Variants in CACNA1E observed in about 807,000 individuals in gnomAD.
CACNA1E encodes the protein voltage-dependent R-type calcium channel subunit alpha-1E.
CACNA1E carries 40 observed loss-of-function variants against 259.2 expected under a neutral mutation model. The ratio of observed to expected loss-of-function variants is 0.15; its 90% CI spans 0.12 to 0.20. The LOEUF (loss-of-function observed/expected upper bound fraction) is 0.20. CACNA1E is among the 10% of genes least tolerant of loss of function. The pLI is 1.00. For missense variants in CACNA1E, 1,874 were observed against 3,040.1 expected, an observed-to-expected ratio of 0.62 and a Z score of 9.02; for synonymous variants, 1,104 against 1,138.5, an observed-to-expected ratio of 0.97 and a Z score of 0.61.
intron 1 of CACNA1E, among the ~76,000 whole-genome samples, chr1:181,326,806 C>T (rs771473583): frequency 3.3e-5 from 5 of 152,212 alleles, no homozygotes; most frequent in Non-Finnish European, 7.3e-5. Context: ...GTCCTCCTCT[C>T]ACATGGCCTC....
intron 3 of CACNA1E, among the ~76,000 whole-genome samples, chr1:181,512,929 AAAT>A (rs1666269820): frequency 6.6e-6 from 1 of 152,252 alleles, no homozygotes; most frequent in Non-Finnish European, 1.5e-5. Flanking sequence ...TCCCTAAAAT[AAAT>A]AATATGTGCT....
Position 181,548,425 on chromosome 1 carries a change from C to T in CACNA1E, c.513-29341C>T, listed in dbSNP as rs942764576. On this transcript the variant is annotated intron_variant, in intron 3 of 47. Transcript: ENST00000367573. ...ACAGATGTGAGCCACCGTGCCCAGC[C>T]TCCATAACACTTTATTAGTATCTTT... Among the ~76,000 whole-genome samples the T allele has an allele frequency of 5.3e-5, 8 of 152,144 alleles. 1 individual carries two copies. The highest frequency in any genetic ancestry group is 4.6e-4 in the Admixed American group (7 of 15,266).
chr1:181,681,217 C>G (rs1649936620), intron 7 of CACNA1E, among the ~76,000 whole-genome samples: 1 of 152,234 alleles, frequency 6.6e-6, no homozygotes, highest in Admixed American at 6.5e-5. Flanking sequence ...TCTAAGCCTT[C>G]TGTGTCCTTG....
At chr1:181,527,836 A>G (rs1667475154) in intron 3 of CACNA1E, among the ~76,000 whole-genome samples, 2 of 152,312 alleles carry the variant, frequency 1.3e-5, no homozygotes, top group South Asian at 4.1e-4. Flanking sequence ...GAGAGAATAT[A>G]ACACCTTAAT....
chr1:181,418,763 C>A (rs550588169), intron 2 of CACNA1E, among the ~76,000 whole-genome samples: 135 of 152,144 alleles, frequency 8.9e-4, no homozygotes, highest in African/African-American at 2.9e-3. Flanking sequence ...GTGTCTCCCC[C>A]CTCAAAATGT....
At chr1:181,422,411 A>G (rs897265077) in intron 2 of CACNA1E, among the ~76,000 whole-genome samples, 2 of 152,242 alleles carry the variant, frequency 1.3e-5, no homozygotes, top group Non-Finnish European at 2.9e-5. Context: ...TGATAGCCCT[A>G]GCCATACCAA....
intron 6 of CACNA1E, among the ~76,000 whole-genome samples, chr1:181,617,432 G>A (rs1655326881): frequency 1.3e-5 from 2 of 152,320 alleles, no homozygotes; most frequent in African/African-American, 2.4e-5. Context: ...GTCAAGGGTG[G>A]AAGGTGGGAC....
chr1:181,427,323 G>A (rs57776888), intron 2 of CACNA1E, among the ~76,000 whole-genome samples: 54,948 of 132,640 alleles, frequency 0.41, 11,080 homozygotes, highest in African/African-American at 0.47. Flanking sequence ...ACCCCTGCCC[G>A]TCCCAACCCC....
exon 2 of CACNA1E, chr1:181,413,383 C>T (rs2102150515): frequency 6.5e-6 from 1 of 152,774 alleles, no homozygotes; most frequent in Non-Finnish European, 1.5e-5. Context: ...TCGACAACTT[C>T]TTCCAGGTGC....
At position 181,763,407 on chromosome 1, in the gene CACNA1E, TG is replaced by T; in HGVS notation, c.4693del (p.Val1565Ter). On this transcript the variant is annotated frameshift_variant and splice_region_variant, in exon 34 of 48. Coordinates refer to ENST00000367573, the MANE Select transcript of CACNA1E (RefSeq NM_001205293.3). LOFTEE classifies it high-confidence loss of function. ...ITEIILTDSK[L>X]VNTSGFNMSF... ...ATATGTTTCCTTTTGGTCCACCAGC[TG>T]GTGAACACCAGTGGCTTCAATATGA... 6.3e-7 allele frequency: 1 copy of T among 1,577,302 alleles called. No homozygotes were observed. The highest frequency in any genetic ancestry group is 1.1e-5 in the South Asian group (1 of 87,206).
chr1:181,716,362 G>T (rs12032678), intron 10 of CACNA1E, among the ~76,000 whole-genome samples: 1 of 151,026 alleles, frequency 6.6e-6, no homozygotes, highest in African/African-American at 2.4e-5. Context: ...TTAGGGCTAA[G>T]AATCCAACCC....
chr1:181,402,163 C>T (rs1414859811), intron 1 of CACNA1E, among the ~76,000 whole-genome samples: 9 of 152,124 alleles, frequency 5.9e-5, no homozygotes, highest in Non-Finnish European at 7.4e-5. Context: ...TATAAATTTG[C>T]GAATCAGAAA....
At chr1:181,447,329 C>G (rs907419964) in intron 2 of CACNA1E, among the ~76,000 whole-genome samples, 4 of 151,060 alleles carry the variant, frequency 2.6e-5, no homozygotes, top group African/African-American at 9.8e-5. Flanking sequence ...GAATTTGAGA[C>G]CAGCTGGGCA....
chr1:181,584,465 T>C (rs535942450), intron 6 of CACNA1E, among the ~76,000 whole-genome samples: 8 of 152,318 alleles, frequency 5.3e-5, no homozygotes, highest in South Asian at 4.1e-4. Context: ...CTGAGAGTCT[T>C]CCCAACTCCT....
intron 1 of CACNA1E, among the ~76,000 whole-genome samples, chr1:181,354,662 A>G (rs1653291768): frequency 6.6e-6 from 1 of 152,130 alleles, no homozygotes; most frequent in Non-Finnish European, 1.5e-5. Context: ...AGGTCTTGCT[A>G]CAGTTCCCAC....
chr1:181,723,380 A>G (rs929445430), intron 16 of CACNA1E, among the ~76,000 whole-genome samples: 1 of 152,176 alleles, frequency 6.6e-6, no homozygotes, highest in African/African-American at 2.4e-5. Flanking sequence ...ACAGCTGTCT[A>G]AAGACCTTTT....
chr1:181,753,351 C>T (rs1023841853), intron 27 of CACNA1E, among the ~76,000 whole-genome samples: 3 of 152,192 alleles, frequency 2.0e-5, no homozygotes, highest in African/African-American at 4.8e-5. Context: ...GCCTCCTAAA[C>T]GGGCTTCCCA....
intron 7 of CACNA1E, among the ~76,000 whole-genome samples, chr1:181,660,480 A>G (rs1647538404): frequency 6.6e-6 from 1 of 152,162 alleles, no homozygotes; most frequent in African/African-American, 2.4e-5. Context: ...GCAGGTCACT[A>G]ATGTTGGGTT....
In CACNA1E at chr1:181,770,569, G is replaced by A. The variant is rs78276024; in HGVS notation, c.4882-724G>A. 3.8e-3 allele frequency among the ~76,000 whole-genome samples: 578 copies of A among 152,288 alleles called. 6 individuals carry two copies. The highest frequency in any genetic ancestry group is 0.013 in the African/African-American group (555 of 41,546). Reference sequence around the variant, plus strand: ...CCTTTTCAAAGTGCCCAGTTGGCCCGACTTTCTCCATCCTATTGGCCTGGA... The same window carrying A: ...CCTTTTCAAAGTGCCCAGTTGGCCCAACTTTCTCCATCCTATTGGCCTGGA... On this transcript the variant is annotated intron_variant, in intron 35 of 47. Coordinates refer to ENST00000367573, the MANE Select transcript of CACNA1E (RefSeq NM_001205293.3).
Sources: allele counts gnomAD v4.1 joint callset (sites outside exome capture counted in the v4.1 genomes callset), GRCh38; gene constraint gnomAD v4.1.1; transcripts MANE v1.5; gene names NCBI Gene and HGNC (gene_info 2026-07-23, HGNC 2026-07-21).